Variants in ZNF540 observed in about 807,000 individuals in gnomAD.
The protein encoded by ZNF540 is CTD-3064H18.6.
ZNF540 carries 3 observed loss-of-function variants against 11.8 expected under a neutral mutation model. That is an observed-to-expected ratio of 0.25 (90% CI 0.12 to 0.65). The LOEUF is 0.65. Among genes scored for constraint, ZNF540 ranks in the 30% least tolerant of loss-of-function variants. ZNF540 has a pLI of 0.83. For synonymous variants in ZNF540, 247 were observed against 259.0 expected (o/e 0.95, Z 0.45); for missense variants, 709 against 793.1 (o/e 0.89, Z 1.27).
rs759316279 is a variant in ZNF540 at position 37,612,703 on chromosome 19, A to G, written c.1423A>G (p.Thr475Ala). Residue 475 changes from threonine (T) to alanine (A), a missense_variant, in exon 5 of 5, where the codon ACC becomes GCC. By Grantham distance (58) the Thr-to-Ala change is moderately conservative. Transcript: ENST00000316433. ...KPYECKECGK[T>A]FRVRSQISLH... Reference sequence around the variant, plus strand: ...CTACGAATGTAAGGAATGTGGGAAGACCTTTCGAGTTCGTTCTCAAATTAG... The same window carrying G: ...CTACGAATGTAAGGAATGTGGGAAGGCCTTTCGAGTTCGTTCTCAAATTAG... The G allele has an allele frequency of 3.7e-6, 6 of 1,613,894 alleles. No individual in the cohort carries two copies. Among genetic ancestry groups the G allele is most frequent in the Non-Finnish European group, 5.1e-6 (6 of 1,179,964 alleles).
At position 37,609,450 on chromosome 19, in the gene ZNF540, A is replaced by C. The variant is rs576299917; in HGVS notation, c.233-2063A>C. ...TCCCAGCTACTTGGGAGACTGAGGCAAGGAGAATCACTTGAACCTGGGAGG... is the reference window on the plus strand; with the variant it reads ...TCCCAGCTACTTGGGAGACTGAGGCCAGGAGAATCACTTGAACCTGGGAGG... On this transcript the variant is annotated intron_variant, in intron 4 of 4. Transcript: ENST00000316433. Among the ~76,000 whole-genome samples, 18 of 152,076 alleles carry C rather than the reference A, an allele frequency of 1.2e-4. No homozygotes were observed. The East Asian group carries it at 3.5e-3, about 29-fold the overall frequency.
chr19:37,564,725 C>A (rs1488839299), intron 1 of ZNF540: 10 of 1,613,572 alleles, frequency 6.2e-6, no homozygotes, highest in Non-Finnish European at 8.5e-6. Context: ...TGAGCCACGA[C>A]TAAAGGCCCT....
At position 37,613,261 on chromosome 19, in the gene ZNF540, TA is replaced by T; in HGVS notation, c.1983del (p.Ter661TyrfsTer13). On this transcript the variant is annotated frameshift_variant and stop_lost, in exon 5 of 5. Transcript: ENST00000316433. LOFTEE classifies it high-confidence loss of function. ...ACATCAGAAAACTCATAATGTAATTTAATATAAGAAAAGGTTTCCATGTCAT... is the reference window on the plus strand; with the variant it reads ...ACATCAGAAAACTCATAATGTAATTTATATAAGAAAAGGTTTCCATGTCAT... ...YQHQKTHNVI[*>X] 6.7e-7 allele frequency: 1 copy of T among 1,484,600 alleles called. No individual in the cohort carries two copies. Among genetic ancestry groups the T allele is most frequent in the Non-Finnish European group, 9.0e-7 (1 of 1,115,828 alleles). The allele number at this position is 1,484,600 out of a possible 1,614,324, so 92.0% of individuals were successfully genotyped here. A position where few individuals can be genotyped will look rare whatever the true frequency, so the allele number is the denominator to read the frequency against.
At chr19:37,561,438 A>T (rs2042716715) in intron 1 of ZNF540, among the ~76,000 whole-genome samples, 1 of 152,236 alleles carries the variant, frequency 6.6e-6, no homozygotes, top group African/African-American at 2.4e-5. Flanking sequence ...GTTAAAAAGA[A>T]ATTCTGCAAG....
rs374482935 is a variant in ZNF540, at chr19:37,594,884, T to G, written c.-284T>G. On this transcript the variant is annotated 5_prime_UTR_variant, in exon 1 of 5. Coordinates refer to ENST00000316433, the MANE Select transcript of ZNF540 (RefSeq NM_001172225.3). ...GTCTGCGCAGGCCCAGCAGCTAAGA[T>G]CGGGTCCGGCGCTCCAGAACAGAAC... is the stretch of plus-strand genomic sequence containing the variant. 1.3e-5 allele frequency: 2 copies of G among 152,088 alleles called. No homozygotes were observed. Among genetic ancestry groups the G allele is most frequent in the East Asian group, 3.9e-4 (2 of 5,182 alleles). 9.4% of individuals were successfully genotyped at this position (152,088 alleles called of 1,614,324 possible). A position where few individuals can be genotyped will look rare whatever the true frequency, so the allele number is the denominator to read the frequency against.
intron 2 of ZNF540, among the ~76,000 whole-genome samples, chr19:37,599,062 T>C (rs1302544855): frequency 6.6e-6 from 1 of 152,188 alleles, no homozygotes; most frequent in Non-Finnish European, 1.5e-5. Context: ...TATTAGTTAA[T>C]TGTATTCTCC....
chr19:37,574,636 A>C (rs2043181640), intron 1 of ZNF540, among the ~76,000 whole-genome samples: 1 of 152,198 alleles, frequency 6.6e-6, no homozygotes, highest in Non-Finnish European at 1.5e-5. Flanking sequence ...TTCATGGTTT[A>C]TCACCATACC....
chr19:37,601,783 A>G (rs1271291224), intron 4 of ZNF540, among the ~76,000 whole-genome samples: 1 of 152,230 alleles, frequency 6.6e-6, no homozygotes, highest in East Asian at 1.9e-4. Context: ...AGCACAGCAG[A>G]GAAGTGAGCT....
Position 37,613,423 on chromosome 19 carries a change from C to T in ZNF540, c.*160C>T, listed in dbSNP as rs2044149124. The T allele has an allele frequency of 1.9e-6, 1 of 517,580 alleles. No individual in the cohort carries two copies. Among genetic ancestry groups the T allele is most frequent in the Non-Finnish European group, 3.2e-6 (1 of 316,122 alleles). The allele number at this position is 517,580 out of a possible 1,614,324, so 32.1% of individuals were successfully genotyped here. A position where few individuals can be genotyped will look rare whatever the true frequency, so the allele number is the denominator to read the frequency against. ...TTCTCATTAAATTTAGGAAAATTCA[C>T]ACTAGAAAATAAAGCTGTTAATGTA... On this transcript the variant is annotated 3_prime_UTR_variant, in exon 5 of 5. Coordinates refer to ENST00000316433, the MANE Select transcript of ZNF540 (RefSeq NM_001172225.3).
At position 37,566,100 on chromosome 19, in the gene ZNF540, C is replaced by T. The variant is rs2042848124; in HGVS notation, c.-73+14435C>T. ...GCCTTTTCTTCACAGGTAATTTTGA[C>T]ACACATGTAAAGCCCTTCCTGACTT... On this transcript the variant is annotated intron_variant, in intron 1 of 4. Coordinates refer to the ZNF540 transcript ENST00000592533. 1 of 1,614,036 alleles carries T rather than the reference C, an allele frequency of 6.2e-7. No homozygotes were observed. Among genetic ancestry groups the T allele is most frequent in the Non-Finnish European group, 8.5e-7 (1 of 1,179,930 alleles).
chr19:37,594,334 A>C (rs2043953305), upstream of ZNF540: 1 of 152,372 alleles, frequency 6.6e-6, no homozygotes, highest in Admixed American at 6.5e-5. Flanking sequence ...GAGCATTAAC[A>C]GGCGGCAGGT....
intron 1 of ZNF540, among the ~76,000 whole-genome samples, chr19:37,580,621 G>A (rs1334533423): frequency 6.6e-6 from 1 of 152,118 alleles, no homozygotes; most frequent in Non-Finnish European, 1.5e-5. Context: ...ATGGGGGCTG[G>A]TCCCCGAGAA....
chr19:37,555,972 T>C (rs1478013505), intron 1 of ZNF540: 6 of 701,162 alleles, frequency 8.6e-6, no homozygotes. Flanking sequence ...CTGGTAAGTA[T>C]CTCGACAGCT....
chr19:37,591,114 C>A (rs555956705), upstream of ZNF540, among the ~76,000 whole-genome samples: 1 of 152,098 alleles, frequency 6.6e-6, no homozygotes, highest in African/African-American at 2.4e-5. Flanking sequence ...AGCTTTGTTC[C>A]CTGAAATGGC....
intron 1 of ZNF540, chr19:37,554,649 A>AT (rs1304173913): frequency 6.6e-6 from 1 of 152,060 alleles, no homozygotes; most frequent in Non-Finnish European, 1.5e-5. Flanking sequence ...ATTTTTAAAT[A>AT]TTTTTTCTGC....
At chr19:37,571,020 GAAT>G (rs2043030919) in intron 1 of ZNF540, among the ~76,000 whole-genome samples, 1 of 152,026 alleles carries the variant, frequency 6.6e-6, no homozygotes. Context: ...TCACTATGAG[GAAT>G]AATTATAACA....
At chr19:37,592,406 T>C (rs2043894509), upstream of ZNF540, among the ~76,000 whole-genome samples, 1 of 152,354 alleles carries the variant, frequency 6.6e-6, no homozygotes, top group Admixed American at 6.5e-5. Flanking sequence ...TGAAATTTTA[T>C]TACCATAGAT....
intron 4 of ZNF540, among the ~76,000 whole-genome samples, chr19:37,603,894 AT>A (rs1387332838): frequency 6.6e-6 from 1 of 151,992 alleles, no homozygotes; most frequent in Admixed American, 6.6e-5. Context: ...TTATTTGCAG[AT>A]TTTTTTTAGT....
At chr19:37,577,358 A>G (rs113712920) in intron 1 of ZNF540, among the ~76,000 whole-genome samples, 3,490 of 152,292 alleles carry the variant, frequency 0.023, 52 homozygotes, top group Non-Finnish European at 0.033. Flanking sequence ...TGATTTGACC[A>G]CTTTGAACCA....
Sources: gnomAD v4.1 joint callset for allele counts (sites outside exome capture counted in the v4.1 genomes callset) on GRCh38, gnomAD v4.1.1 for gene constraint, MANE v1.5 for transcripts, NCBI Gene and HGNC (gene_info 2026-07-23, HGNC 2026-07-21) for gene names.